EXT2: variants seen among roughly 807,000 people sequenced by gnomAD.
EXT2 encodes exostosin glycosyltransferase 2.
A neutral mutation model predicts 81.6 loss-of-function variants in EXT2; 53 were observed. The ratio of observed to expected loss-of-function variants is 0.65; its 90% confidence interval spans 0.52 to 0.82. The LOEUF is 0.82. Among genes scored for constraint, EXT2 ranks in the 40% least tolerant of loss-of-function variants. EXT2 has a pLI of 0.00. For missense variants in EXT2, 774 were observed against 910.2 expected, an observed-to-expected ratio of 0.85 and a Z score of 1.93; for synonymous variants, 320 against 340.0, an observed-to-expected ratio of 0.94 and a Z score of 0.65.
intron 6 of EXT2, among the ~76,000 whole-genome samples, chr11:44,128,707 G>A (rs754586528): frequency 5.3e-5 from 8 of 152,172 alleles, no homozygotes; most frequent in Non-Finnish European, 1.2e-4. Flanking sequence ...TGCTTGGGTA[G>A]TGCTAATTAT....
At chr11:44,099,569 G>A (rs771869325) in intron 1 of EXT2, among the ~76,000 whole-genome samples, 22 of 152,086 alleles carry the variant, frequency 1.4e-4, no homozygotes, top group African/African-American at 4.8e-4. Flanking sequence ...TGATTCTTCC[G>A]CCTCAGCCTC....
intron 10 of EXT2, among the ~76,000 whole-genome samples, chr11:44,217,244 C>T (rs1318521600): frequency 1.3e-5 from 2 of 151,934 alleles, no homozygotes; most frequent in Non-Finnish European, 2.9e-5. Flanking sequence ...AAAGGCACAC[C>T]ATAGCAAGTT....
chr11:44,251,500 A>G lies in EXT2; in HGVS notation c.*7213A>G, dbSNP rs1956137596. On this transcript the variant is annotated 3_prime_UTR_variant, in exon 14 of 14. Transcript: ENST00000533608. Reference sequence around the variant, plus strand: ...CACAATAAAAGTATCCCATGAGACCATTATGAGCAGGACACGACATTGTTT... The same window carrying G: ...CACAATAAAAGTATCCCATGAGACCGTTATGAGCAGGACACGACATTGTTT... Among the ~76,000 whole-genome samples the G allele has an allele frequency of 6.6e-6, 1 of 152,180 alleles. No individual in the cohort carries two copies. The highest frequency in any genetic ancestry group is 1.5e-5 in the Non-Finnish European group (1 of 68,030).
intron 4 of EXT2, among the ~76,000 whole-genome samples, chr11:44,118,507 G>T (rs567569547): frequency 1.3e-5 from 2 of 152,208 alleles, no homozygotes; most frequent in East Asian, 3.9e-4. Context: ...TGCTTTATAT[G>T]ATTTACATTT....
chr11:44,215,865 A>ATTTTT (rs34411687), intron 10 of EXT2, among the ~76,000 whole-genome samples: 1 of 127,836 alleles, frequency 7.8e-6, no homozygotes, highest in African/African-American at 2.9e-5. Context: ...CCATTTGGGA[A>ATTTTT]TTTTTTTTTT....
At chr11:44,229,461 G>A (rs1034472666) in intron 10 of EXT2, among the ~76,000 whole-genome samples, 1 of 152,192 alleles carries the variant, frequency 6.6e-6, no homozygotes. Flanking sequence ...TTGTGGGTTT[G>A]AGAGCCCTGT....
chr11:44,142,463 C>T (rs1327224116), intron 7 of EXT2, among the ~76,000 whole-genome samples: 1 of 152,138 alleles, frequency 6.6e-6, no homozygotes, highest in African/African-American at 2.4e-5. Flanking sequence ...GTAGTTACTG[C>T]CCATTTTGAT....
chr11:44,140,016 C>G lies in EXT2; in HGVS notation c.1173+9878C>G, dbSNP rs1954623723. ...ATAATTAACCTTTGCAGGTCCGGAACCTCGCCGTTGGCCACTGGTAGGGGC... is the reference window on the plus strand; with the variant it reads ...ATAATTAACCTTTGCAGGTCCGGAAGCTCGCCGTTGGCCACTGGTAGGGGC... On this transcript the variant is annotated intron_variant, in intron 7 of 13. Transcript: ENST00000533608. 2.0e-5 allele frequency among the ~76,000 whole-genome samples: 3 copies of G among 152,292 alleles called. No homozygotes were observed. The Middle Eastern group carries it at 0.01, about 518-fold the overall frequency.
chr11:44,188,617 T>C (rs1198497671), intron 8 of EXT2, among the ~76,000 whole-genome samples: 2 of 152,202 alleles, frequency 1.3e-5, no homozygotes, highest in Non-Finnish European at 2.9e-5. Flanking sequence ...ATTAAGTGTC[T>C]GAGGACAATT....
At chr11:44,185,992 A>T (rs144274761) in intron 8 of EXT2, among the ~76,000 whole-genome samples, 1 of 152,188 alleles carries the variant, frequency 6.6e-6, no homozygotes, top group Non-Finnish European at 1.5e-5. Flanking sequence ...ACATTGTTGG[A>T]CACTTTGTCT....
At chr11:44,128,828 T>G (rs923306547) in intron 6 of EXT2, among the ~76,000 whole-genome samples, 1 of 152,310 alleles carries the variant, frequency 6.6e-6, no homozygotes. Flanking sequence ...CCCATCTGTA[T>G]AGTGGAAATC....
intron 8 of EXT2, among the ~76,000 whole-genome samples, chr11:44,181,785 T>C (rs1590627461): frequency 6.6e-6 from 1 of 152,224 alleles, no homozygotes; most frequent in African/African-American, 2.4e-5. Context: ...TGAATTCCTT[T>C]TTCAGTTTTT....
chr11:44,130,715 G>A (rs1450110394), intron 7 of EXT2, among the ~76,000 whole-genome samples: 2 of 152,204 alleles, frequency 1.3e-5, no homozygotes, highest in Admixed American at 6.5e-5. Context: ...TCTTTGTCCT[G>A]AAGGACATTT....
At chr11:44,212,833 G>C (rs1490400034) in intron 10 of EXT2, among the ~76,000 whole-genome samples, 1 of 152,154 alleles carries the variant, frequency 6.6e-6, no homozygotes, top group Admixed American at 6.5e-5. Flanking sequence ...GGAGGCTACT[G>C]ACTGTATGAC....
chr11:44,185,308 C>G (rs895196801), intron 8 of EXT2, among the ~76,000 whole-genome samples: 3 of 152,214 alleles, frequency 2.0e-5, no homozygotes, highest in African/African-American at 7.2e-5. Flanking sequence ...GCAGTTTTTT[C>G]TTCATTTTTG....
At chr11:44,143,866 T>C (rs1181054655) in intron 7 of EXT2, among the ~76,000 whole-genome samples, 1 of 152,216 alleles carries the variant, frequency 6.6e-6, no homozygotes, top group African/African-American at 2.4e-5. Context: ...GTCTCCTTGG[T>C]GTTCTCCGGA....
At chr11:44,211,590 AG>A (rs1389905388) in intron 10 of EXT2, among the ~76,000 whole-genome samples, 4 of 152,202 alleles carry the variant, frequency 2.6e-5, no homozygotes, top group African/African-American at 9.6e-5. Context: ...ATAGAAGTAG[AG>A]AGTAGAATGG....
rs2135285806 is a variant in EXT2 at position 44,244,993 on chromosome 11, ATTT to A, written c.*707_*709del. 4.3e-6 allele frequency: 1 copy of A among 232,412 alleles called. No individual in the cohort carries two copies. Among genetic ancestry groups the A allele is most frequent in the East Asian group, 6.1e-5 (1 of 16,432 alleles). The allele number at this position is 232,412 out of a possible 1,614,324, so 14.4% of individuals were successfully genotyped here. A position where few individuals can be genotyped will look rare whatever the true frequency, so the allele number is the denominator to read the frequency against. On this transcript the variant is annotated 3_prime_UTR_variant, in exon 14 of 14. Transcript: ENST00000533608. ...AGGAACCACCTTTCTCCCTTGATAT[ATTT>A]AACTCCGTCTTTGGCCTGACAACAG...
Position 44,245,908 on chromosome 11 carries a change from G to C in EXT2, c.*1621G>C, listed in dbSNP as rs1956089751. On this transcript the variant is annotated 3_prime_UTR_variant, in exon 14 of 14. Transcript: ENST00000533608. ...CCAGTTTGTTCATTTTGCAAATGCAGAAACTGAAGCTGCAGATGTTCATTT... is the reference window on the plus strand; with the variant it reads ...CCAGTTTGTTCATTTTGCAAATGCACAAACTGAAGCTGCAGATGTTCATTT... 6.6e-6 allele frequency among the ~76,000 whole-genome samples: 1 copy of C among 152,216 alleles called. No individual in the cohort carries two copies. The highest frequency in any genetic ancestry group is 1.5e-5 in the Non-Finnish European group (1 of 68,018).
Sources: allele counts gnomAD v4.1 joint callset (sites outside exome capture counted in the v4.1 genomes callset), GRCh38; gene constraint gnomAD v4.1.1; transcripts MANE v1.5; gene names NCBI Gene and HGNC (gene_info 2026-07-23, HGNC 2026-07-21).